PDGFC: variants seen among roughly 807,000 people sequenced by gnomAD.
PDGFC encodes platelet-derived growth factor C.
PDGFC carries 12 observed loss-of-function variants against 35.5 expected under a neutral mutation model. The observed-to-expected ratio is 0.34, with a 90% CI of 0.22 to 0.55. The LOEUF (loss-of-function observed/expected upper bound fraction) is 0.55. Among genes scored for constraint, PDGFC ranks in the 20% least tolerant of loss-of-function variants. The probability of loss-of-function intolerance (pLI) is 0.91; values close to 1 mark genes in which losing one functional copy is unlikely to be tolerated. For missense variants in PDGFC, 322 were observed against 412.4 expected (o/e 0.78, Z 1.90); for synonymous variants, 159 against 148.8 (o/e 1.07, Z -0.50).
chr4:156,888,550 C>T (rs1170970342), intron 1 of PDGFC, among the ~76,000 whole-genome samples: 1 of 152,134 alleles, frequency 6.6e-6, no homozygotes, highest in Non-Finnish European at 1.5e-5. Context: ...ATCAAGAAAT[C>T]TTTCTTGAGA....
chr4:156,832,228 AT>A (rs1204270263), intron 2 of PDGFC, among the ~76,000 whole-genome samples: 1 of 133,558 alleles, frequency 7.5e-6, no homozygotes, highest in Admixed American at 7.6e-5. Flanking sequence ...GCCTCATTTT[AT>A]CATGCCACCT....
intron 2 of PDGFC, among the ~76,000 whole-genome samples, chr4:156,813,987 A>C (rs537896468): frequency 6.6e-6 from 1 of 152,222 alleles, no homozygotes; most frequent in African/African-American, 2.4e-5. Flanking sequence ...GGCACATAGT[A>C]AACGCTGTGT....
rs997091764 is a variant in PDGFC, at chr4:156,894,462, T to C, written c.119-44046A>G. On this transcript the variant is annotated intron_variant, in intron 1 of 5. Coordinates refer to ENST00000502773, the MANE Select transcript of PDGFC (RefSeq NM_016205.3). ...AGTATTGTTCATTATGAATAATCCA[T>C]TACAGCAAGGTTAATACCATCACTA... Among the ~76,000 whole-genome samples the C allele has an allele frequency of 2.0e-5, 3 of 152,302 alleles. No homozygotes were observed. The Middle Eastern group carries it at 0.01, about 518-fold the overall frequency.
In PDGFC at chr4:156,763,586, T is replaced by C. The variant is rs577326930; in HGVS notation, c.922-380A>G. 2.6e-5 allele frequency among the ~76,000 whole-genome samples: 4 copies of C among 152,330 alleles called. No homozygotes were observed. In the South Asian group the frequency reaches 8.3e-4, roughly 32 times the overall value. ...TCTGTTTGTCGCTTTCTTTCATTCA[T>C]TCATTTATTCACACATTTAACAAAT... On this transcript the variant is annotated intron_variant, in intron 5 of 5. Transcript: ENST00000502773.
At chr4:156,840,754 C>G (rs1227201637) in intron 2 of PDGFC, among the ~76,000 whole-genome samples, 2 of 152,160 alleles carry the variant, frequency 1.3e-5, no homozygotes, top group East Asian at 3.9e-4. Flanking sequence ...CAGAGCTGCC[C>G]AAGGCCATGC....
At chr4:156,965,227 G>C (rs1460278413) in intron 1 of PDGFC, among the ~76,000 whole-genome samples, 1 of 152,142 alleles carries the variant, frequency 6.6e-6, no homozygotes, top group Non-Finnish European at 1.5e-5. Flanking sequence ...CCTGTTGTTA[G>C]AGTTAACAGC....
At chr4:156,876,933 C>T (rs1158924652) in intron 1 of PDGFC, 2 of 152,044 alleles carry the variant, frequency 1.3e-5, no homozygotes, top group African/African-American at 4.8e-5. Flanking sequence ...AGTATAAGAG[C>T]TCTACAATTA....
At chr4:156,803,449 A>G (rs1036616091) in intron 3 of PDGFC, among the ~76,000 whole-genome samples, 8 of 152,116 alleles carry the variant, frequency 5.3e-5, no homozygotes, top group African/African-American at 1.9e-4. Flanking sequence ...AAATATCTGT[A>G]TGTGTGGTAA....
chr4:156,864,600 G>A (rs2111123175), intron 1 of PDGFC, among the ~76,000 whole-genome samples: 1 of 152,090 alleles, frequency 6.6e-6, no homozygotes, highest in Non-Finnish European at 1.5e-5. Context: ...TTTTTTAGAT[G>A]GCCTTTTTCT....
chr4:156,840,747 A>G (rs1729182345), intron 2 of PDGFC, among the ~76,000 whole-genome samples: 1 of 152,232 alleles, frequency 6.6e-6, no homozygotes. Flanking sequence ...ACAGGGGCAG[A>G]GCTGCCCAAG....
intron 1 of PDGFC, among the ~76,000 whole-genome samples, chr4:156,925,755 A>AG (rs1553979655): frequency 9.9e-5 from 15 of 151,206 alleles, no homozygotes; most frequent in South Asian, 6.3e-4. Context: ...AAAAAAAAAA[A>AG]AGAGAGAGAC....
At chr4:156,830,097 T>C (rs1728891283) in intron 2 of PDGFC, among the ~76,000 whole-genome samples, 1 of 152,148 alleles carries the variant, frequency 6.6e-6, no homozygotes, top group African/African-American at 2.4e-5. Flanking sequence ...TTTGTAGCAA[T>C]TTACTTACTC....
chr4:156,933,926 G>A (rs1731615418), intron 1 of PDGFC, among the ~76,000 whole-genome samples: 1 of 152,288 alleles, frequency 6.6e-6, no homozygotes, highest in Admixed American at 6.5e-5. Flanking sequence ...ATGTGGAACT[G>A]TGAGTCAATT....
At chr4:156,967,620 A>T (rs1271894882) in intron 1 of PDGFC, 1 of 152,222 alleles carries the variant, frequency 6.6e-6, no homozygotes, top group African/African-American at 2.4e-5. Context: ...TTTGTCATTG[A>T]CATCTCTTTG....
intron 1 of PDGFC, among the ~76,000 whole-genome samples, chr4:156,890,897 C>A (rs573789290): frequency 6.6e-6 from 1 of 152,108 alleles, no homozygotes; most frequent in South Asian, 2.1e-4. Context: ...ATGTATGTAT[C>A]CATTTGGTAA....
chr4:156,781,025 T>A (rs1730966143), intron 3 of PDGFC, among the ~76,000 whole-genome samples: 1 of 152,170 alleles, frequency 6.6e-6, no homozygotes, highest in South Asian at 2.1e-4. Flanking sequence ...CTTTTCTAGT[T>A]TCTGTCTACA....
chr4:156,773,384 G>A (rs1430407904), intron 3 of PDGFC, among the ~76,000 whole-genome samples: 1 of 152,034 alleles, frequency 6.6e-6, no homozygotes, highest in East Asian at 1.9e-4. Context: ...TATTAATCAA[G>A]ATAGAAAATA....
At position 156,817,345 on chromosome 4, in the gene PDGFC, G is replaced by A. The variant is rs145804378; in HGVS notation, c.315-6328C>T. On this transcript the variant is annotated intron_variant, in intron 2 of 5. Transcript: ENST00000502773. ...CAAGGGGTTAGAGAGAGAATAAATC[G>A]AGAATTTACAAAATTAGCAATGAGG... is the stretch of plus-strand genomic sequence containing the variant. 3.0e-3 allele frequency among the ~76,000 whole-genome samples: 454 copies of A among 152,138 alleles called. 1 individual carries two copies. The highest frequency in any genetic ancestry group is 5.3e-3 in the Non-Finnish European group (359 of 68,004).
chr4:156,819,543 T>A (rs1406321126), intron 2 of PDGFC, among the ~76,000 whole-genome samples: 1 of 152,200 alleles, frequency 6.6e-6, no homozygotes, highest in East Asian at 1.9e-4. Flanking sequence ...CAGCATGGTT[T>A]ACTAAATATT....
Sources: allele counts gnomAD v4.1 joint callset (sites outside exome capture counted in the v4.1 genomes callset), GRCh38; gene constraint gnomAD v4.1.1; transcripts MANE v1.5; gene names NCBI Gene and HGNC (gene_info 2026-07-23, HGNC 2026-07-21).